The following HAPLN3 variants were observed in gnomAD, a reference collection of about 807,000 sequenced individuals.
HAPLN3 encodes extracellular link domain containing, 1.
HAPLN3 carries 28 observed loss-of-function variants against 28.1 expected under a neutral mutation model. The ratio of observed to expected loss-of-function variants is 1.00; its 90% CI spans 0.74 to 1.37. The LOEUF (loss-of-function observed/expected upper bound fraction) is 1.37. Ranked by LOEUF, HAPLN3 falls within the 40% of genes most tolerant of loss-of-function variation. The pLI is 0.00. For missense variants in HAPLN3, 513 were observed against 504.6 expected (o/e 1.02, Z -0.16); for synonymous variants, 211 against 213.1 (o/e 0.99, Z 0.09).
chr15:88,882,345 C>G (rs1897727754), intron 2 of HAPLN3, among the ~76,000 whole-genome samples: 1 of 152,192 alleles, frequency 6.6e-6, no homozygotes, highest in African/African-American at 2.4e-5. Context: ...ACCAATGGAG[C>G]AGGCAACAAG....
At chr15:88,892,959 G>T (rs1381847605) in intron 1 of HAPLN3, 3 of 1,535,692 alleles carry the variant, frequency 2.0e-6, no homozygotes, top group Non-Finnish European at 2.6e-6. Flanking sequence ...CCAAGACCAA[G>T]TCCAGCCCAG....
Position 88,879,752 on chromosome 15 carries a change from A to G in HAPLN3, c.494-483T>C. Reference sequence around the variant, plus strand: ...GATTTTCAGGAGAAGGAGAGGCCCTAGAGGCCGTGGGGAGAGGGTTGGGGA... The same window carrying G: ...GATTTTCAGGAGAAGGAGAGGCCCTGGAGGCCGTGGGGAGAGGGTTGGGGA... On this transcript the variant is annotated intron_variant, in intron 3 of 4. Coordinates refer to ENST00000359595, the MANE Select transcript of HAPLN3 (RefSeq NM_178232.4). The surrounding 1 kb of genome is among the most constrained non-coding windows in gnomAD (Gnocchi z 5.0). 8.6e-7 allele frequency: 1 copy of G among 1,168,524 alleles called. No individual in the cohort carries two copies. The highest frequency in any genetic ancestry group is 1.7e-5 in the South Asian group (1 of 58,544). 72.4% of individuals were successfully genotyped at this position (1,168,524 alleles called of 1,614,324 possible). A position where few individuals can be genotyped will look rare whatever the true frequency, so the allele number is the denominator to read the frequency against.
chr15:88,888,163 C>T lies in HAPLN3; in HGVS notation c.-47-818G>A, dbSNP rs1004057263. 6.8e-6 allele frequency among the ~76,000 whole-genome samples: 1 copy of T among 146,738 alleles called. No homozygotes were observed. The highest frequency in any genetic ancestry group is 2.6e-5 in the African/African-American group (1 of 39,134). The stretch of plus-strand genomic sequence containing the variant: ...GTCGCCCAGGCTGGAGTGGAGGTTG[C>T]TCACTGCAACCTCCGCCTCCTGGGT... On this transcript the variant is annotated intron_variant, in intron 1 of 4. Coordinates refer to ENST00000359595, the MANE Select transcript of HAPLN3 (RefSeq NM_178232.4). This position sits in a 1 kb window ranked among gnomAD's most constrained non-coding sequence, Gnocchi z 4.1.
In HAPLN3 at chr15:88,879,110, T is replaced by G; in HGVS notation, c.653A>C (p.Gln218Pro). 6.2e-7 allele frequency: 1 copy of G among 1,613,002 alleles called. No homozygotes were observed. Among genetic ancestry groups the G allele is most frequent in the Non-Finnish European group, 8.5e-7 (1 of 1,179,650 alleles). The change falls in exon 4 of 5, where the codon CAG becomes CCG. Residue 218 changes from glutamine to proline, a missense_variant. Physicochemically the swap from Gln to Pro is moderately conservative, Grantham distance 76 (BLOSUM62 -1). Coordinates refer to ENST00000359595, the MANE Select transcript of HAPLN3 (RefSeq NM_178232.4). This position sits in a 1 kb window ranked among gnomAD's most constrained non-coding sequence, Gnocchi z 5.0. The stretch of plus-strand genomic sequence containing the variant: ...GATGGGGTACTGCACCGTGGCATCC[T>G]GCAGCCAGCCCGCGTTGCACCAGTC... ...GLDWCNAGWLQDATVQYPIML... is the reference protein window; with the variant it reads ...GLDWCNAGWLPDATVQYPIML...
In HAPLN3 at chr15:88,881,036, G is replaced by T. The variant is rs1897682194; in HGVS notation, c.493+321C>A. Reference sequence around the variant, plus strand: ...CAGCTCTGTCTCTAATAAGCTGTGGGACCAGCTCTGGTTTTCCTCTCTCTG... The same window carrying T: ...CAGCTCTGTCTCTAATAAGCTGTGGTACCAGCTCTGGTTTTCCTCTCTCTG... On this transcript the variant is annotated intron_variant, in intron 3 of 4. Coordinates refer to ENST00000359595, the MANE Select transcript of HAPLN3 (RefSeq NM_178232.4). The surrounding 1 kb of genome is among the most constrained non-coding windows in gnomAD (Gnocchi z 6.0). 1 of 380,090 alleles carries T rather than the reference G, an allele frequency of 2.6e-6. No homozygotes were observed. The highest frequency in any genetic ancestry group is 3.2e-5 in the South Asian group (1 of 31,590). 23.5% of individuals were successfully genotyped at this position (380,090 alleles called of 1,614,324 possible).
chr15:88,891,131 C>T (rs535727217), intron 1 of HAPLN3, among the ~76,000 whole-genome samples: 92 of 152,228 alleles, frequency 6.0e-4, no homozygotes, highest in African/African-American at 2.0e-3. Flanking sequence ...CTGCCCACCT[C>T]GGCCTCCCAA....
At chr15:88,882,425 C>T (rs1897730838) in intron 2 of HAPLN3, among the ~76,000 whole-genome samples, 1 of 152,220 alleles carries the variant, frequency 6.6e-6, no homozygotes, top group African/African-American at 2.4e-5. Flanking sequence ...TTTCCTTCCC[C>T]ACCACACTGG....
chr15:88,889,489 A>T (rs1182348758), intron 1 of HAPLN3, among the ~76,000 whole-genome samples: 4 of 152,110 alleles, frequency 2.6e-5, no homozygotes, highest in Non-Finnish European at 5.9e-5. Flanking sequence ...GCATGCGCCA[A>T]CATGCCCCAT....
chr15:88,893,355 T>C (rs573386574), intron 1 of HAPLN3, among the ~76,000 whole-genome samples: 3 of 151,770 alleles, frequency 2.0e-5, no homozygotes, highest in Non-Finnish European at 4.4e-5. Flanking sequence ...GAGGCGGAAG[T>C]TGCAGTGAGC....
chr15:88,881,499 G>C lies in HAPLN3; in HGVS notation c.351C>G (p.Gly117=), dbSNP rs1413828450. Residue 117 remains glycine, a synonymous_variant, in exon 3 of 5, where the codon GGC becomes GGG. Coordinates refer to ENST00000359595, the MANE Select transcript of HAPLN3 (RefSeq NM_178232.4). This position sits in a 1 kb window ranked among gnomAD's most constrained non-coding sequence, Gnocchi z 6.0. ...LRHRSFGDYQ[G]RVHLRQDKEH... Reference sequence around the variant, plus strand: ...CTTTGTCCTGCCGCAGGTGCACGCGGCCTTGGTAGTCCCCAAAGGAGCGGT... The same window carrying C: ...CTTTGTCCTGCCGCAGGTGCACGCGCCCTTGGTAGTCCCCAAAGGAGCGGT... 6.2e-7 allele frequency: 1 copy of C among 1,614,074 alleles called. No homozygotes were observed. The highest frequency in any genetic ancestry group is 1.3e-5 in the African/African-American group (1 of 75,058).
intron 1 of HAPLN3, among the ~76,000 whole-genome samples, chr15:88,894,384 C>G (rs1202680328): frequency 1.3e-5 from 2 of 152,182 alleles, no homozygotes; most frequent in Non-Finnish European, 2.9e-5. Flanking sequence ...TAGGTGCCAC[C>G]TCCCTGCCAG....
At chr15:88,882,898 C>A (rs890427653) in intron 2 of HAPLN3, among the ~76,000 whole-genome samples, 1 of 152,066 alleles carries the variant, frequency 6.6e-6, no homozygotes, top group Non-Finnish European at 1.5e-5. Flanking sequence ...CCCAGCTACT[C>A]GGGAGGCTGA....
At position 88,879,495 on chromosome 15, in the gene HAPLN3, A is replaced by T. The variant is rs1441618136; in HGVS notation, c.494-226T>A. On this transcript the variant is annotated intron_variant, in intron 3 of 4. Transcript: ENST00000359595. The surrounding 1 kb of genome is among the most constrained non-coding windows in gnomAD (Gnocchi z 5.0). The stretch of plus-strand genomic sequence containing the variant: ...TCAGAAAACATCCATGAGTTAAGGT[A>T]ATTAATTAGTCCATTAATGTCCCCA... The T allele has an allele frequency of 5.3e-6, 8 of 1,522,292 alleles. No individual in the cohort carries two copies. The highest frequency in any genetic ancestry group is 7.0e-6 in the Non-Finnish European group (8 of 1,138,694). 94.3% of individuals were successfully genotyped at this position (1,522,292 alleles called of 1,614,324 possible). A position where few individuals can be genotyped will look rare whatever the true frequency, so the allele number is the denominator to read the frequency against.
Position 88,887,350 on chromosome 15 carries a change from G to A in HAPLN3, c.-47-5C>T, listed in dbSNP as rs141543905. On this transcript the variant is annotated splice_polypyrimidine_tract_variant and splice_region_variant and intron_variant, in intron 1 of 4. Transcript: ENST00000359595. ...AGGCTGGGGCCCCAGGGCAAACTGG[G>A]AAGGGGAGGAAAACAAGGCAATTAG... The A allele has an allele frequency of 1.1e-4, 174 of 1,605,244 alleles. No homozygotes were observed. In the African/African-American group the frequency reaches 1.8e-3, roughly 16 times the overall value.
intron 1 of HAPLN3, among the ~76,000 whole-genome samples, chr15:88,889,664 G>C (rs1285862293): frequency 6.6e-6 from 1 of 152,184 alleles, no homozygotes; most frequent in Non-Finnish European, 1.5e-5. Flanking sequence ...CTGGAGGCCA[G>C]TGATGGCTTT....
intron 2 of HAPLN3, among the ~76,000 whole-genome samples, chr15:88,885,052 T>A (rs528558675): frequency 6.6e-6 from 1 of 152,364 alleles, no homozygotes; most frequent in South Asian, 2.1e-4. Flanking sequence ...CAAGTTTGTG[T>A]TAATTTGTTA....
chr15:88,879,181 C>T lies in HAPLN3; in HGVS notation c.582G>A (p.Val194=), dbSNP rs1350245369. The T allele has an allele frequency of 6.2e-7, 1 of 1,613,870 alleles. No homozygotes were observed. Among genetic ancestry groups the T allele is most frequent in the Non-Finnish European group, 8.5e-7 (1 of 1,179,994 alleles). Residue 194 remains valine, a synonymous_variant, in exon 4 of 5, where the codon GTG becomes GTA. Transcript: ENST00000359595. This position sits in a 1 kb window ranked among gnomAD's most constrained non-coding sequence, Gnocchi z 5.0. ...GQQVCAEQAA[V]VASFEQLFRA... The stretch of plus-strand genomic sequence containing the variant: ...GGAAGAGCTGCTCAAAGGAGGCCAC[C>T]ACCGCAGCCTGCTCTGCACAGACCT...
chr15:88,881,469 A>G lies in HAPLN3; in HGVS notation c.381T>C (p.His127=). ...GATCCTGGATCTCCAGCGAGACGTC[A>G]TGCTCTTTGTCCTGCCGCAGGTGCA... is the stretch of plus-strand genomic sequence containing the variant. ...GRVHLRQDKE[H]DVSLEIQDLR... The change falls in exon 3 of 5, where the codon CAT becomes CAC. Residue 127 remains histidine (H), a synonymous_variant. Coordinates refer to ENST00000359595, the MANE Select transcript of HAPLN3 (RefSeq NM_178232.4). This position sits in a 1 kb window ranked among gnomAD's most constrained non-coding sequence, Gnocchi z 6.0. 6.2e-7 allele frequency: 1 copy of G among 1,614,046 alleles called. No homozygotes were observed. Among genetic ancestry groups the G allele is most frequent in the Non-Finnish European group, 8.5e-7 (1 of 1,180,014 alleles).
At position 88,879,716 on chromosome 15, in the gene HAPLN3, G is replaced by A. The variant is rs182211734; in HGVS notation, c.494-447C>T. The A allele has an allele frequency of 1.9e-4, 226 of 1,177,484 alleles. No homozygotes were observed. In the African/African-American group the frequency reaches 3.3e-3, roughly 17 times the overall value. The allele number at this position is 1,177,484 out of a possible 1,614,324, so 72.9% of individuals were successfully genotyped here. A position where few individuals can be genotyped will look rare whatever the true frequency, so the allele number is the denominator to read the frequency against. On this transcript the variant is annotated intron_variant, in intron 3 of 4. Coordinates refer to ENST00000359595, the MANE Select transcript of HAPLN3 (RefSeq NM_178232.4). The surrounding 1 kb of genome is among the most constrained non-coding windows in gnomAD (Gnocchi z 5.0). ...TAGGAAAATGCAAGGAACTTTCCAC[G>A]TGTGGCAGATGATTTTCAGGAGAAG...
Sources: gnomAD v4.1 joint callset for allele counts (sites outside exome capture counted in the v4.1 genomes callset) on GRCh38, gnomAD v4.1.1 for gene constraint, Gnocchi (gnomAD v3.1) non-coding constraint, MANE v1.5 for transcripts, NCBI Gene and HGNC (gene_info 2026-07-23, HGNC 2026-07-21) for gene names.